CSMD1: variants seen among roughly 807,000 people sequenced by gnomAD.
CSMD1 encodes CUB and sushi domain-containing protein 1.
Under a neutral mutation model 417.5 loss-of-function variants are expected in CSMD1, and 213 were observed. The ratio of observed to expected loss-of-function variants is 0.51; its 90% CI spans 0.46 to 0.57. The LOEUF is 0.57. CSMD1 is among the 20% of genes least tolerant of loss of function. The pLI is 0.00. For synonymous variants in CSMD1, 2,862 were observed against 1,736.8 expected (o/e 1.65, Z -16.11); for missense variants, 6,923 against 4,529.7 (o/e 1.53, Z -15.17).
At chr8:4,123,069 T>C (rs1295716189) in intron 3 of CSMD1, among the ~76,000 whole-genome samples, 1 of 152,248 alleles carries the variant, frequency 6.6e-6, no homozygotes, top group Non-Finnish European at 1.5e-5. Flanking sequence ...AAAGCTTTGA[T>C]GCTTTCATAA....
intron 2 of CSMD1, among the ~76,000 whole-genome samples, chr8:4,564,738 C>A (rs573069849): frequency 1.4e-4 from 22 of 152,128 alleles, no homozygotes; most frequent in Non-Finnish European, 3.2e-4. Flanking sequence ...TTTGATGGAT[C>A]TGAACATGGA....
chr8:4,349,249 T>C (rs1276337935), intron 3 of CSMD1, among the ~76,000 whole-genome samples: 2 of 152,202 alleles, frequency 1.3e-5, no homozygotes, highest in African/African-American at 2.4e-5. Context: ...TTGTGGTATT[T>C]GGTACAGACC....
intron 5 of CSMD1, among the ~76,000 whole-genome samples, chr8:3,848,695 C>G (rs1273388456): frequency 6.6e-6 from 1 of 152,112 alleles, no homozygotes; most frequent in Non-Finnish European, 1.5e-5. Flanking sequence ...CTTGCACCAT[C>G]TGTGTGATCT....
intron 36 of CSMD1, among the ~76,000 whole-genome samples, chr8:3,182,611 TGTGTGTG>T: frequency 1.6e-5 from 1 of 63,890 alleles, no homozygotes; most frequent in Non-Finnish European, 5.1e-5. Context: ...TGTGTGTGTG[TGTGTGTG>T]TGTGTGTGTG....
intron 3 of CSMD1, among the ~76,000 whole-genome samples, chr8:4,144,500 C>T (rs1371614439): frequency 2.0e-5 from 3 of 151,046 alleles, no homozygotes; most frequent in African/African-American, 7.4e-5. Context: ...CTTGAGGGCT[C>T]CAGTCTAAAT....
intron 3 of CSMD1, among the ~76,000 whole-genome samples, chr8:4,268,834 A>C (rs1036901959): frequency 3.9e-5 from 6 of 152,202 alleles, no homozygotes; most frequent in Non-Finnish European, 1.5e-5. Flanking sequence ...AAGTAATCTT[A>C]ATATGGGAGA....
intron 7 of CSMD1, among the ~76,000 whole-genome samples, chr8:3,669,948 C>A (rs974114366): frequency 1.3e-5 from 2 of 152,166 alleles, no homozygotes. Context: ...ATAACACACC[C>A]AAGGATATAA....
chr8:3,732,168 G>A (rs550219043), intron 6 of CSMD1, among the ~76,000 whole-genome samples: 112 of 152,322 alleles, frequency 7.4e-4, no homozygotes, highest in Middle Eastern at 3.4e-3. Context: ...CAGGTCACTC[G>A]TGGTGGTTGC....
chr8:4,756,576 G>T (rs143623401), intron 1 of CSMD1, among the ~76,000 whole-genome samples: 35 of 152,140 alleles, frequency 2.3e-4, no homozygotes, highest in African/African-American at 8.4e-4. Context: ...TAGAGCATGC[G>T]TTCTAGACTT....
chr8:4,403,445 A>T (rs1298401822), intron 3 of CSMD1, among the ~76,000 whole-genome samples: 1 of 152,044 alleles, frequency 6.6e-6, no homozygotes, highest in African/African-American at 2.4e-5. Context: ...TTCGACTCAA[A>T]ATGTCCTTAT....
intron 5 of CSMD1, among the ~76,000 whole-genome samples, chr8:3,997,078 T>G (rs567344562): frequency 1.3e-4 from 20 of 152,342 alleles, no homozygotes; most frequent in African/African-American, 4.3e-4. Context: ...CATTCTTGTT[T>G]AGTCATATTT....
chr8:3,304,730 C>CT (rs10688027), intron 25 of CSMD1, among the ~76,000 whole-genome samples: 2 of 151,614 alleles, frequency 1.3e-5, no homozygotes, highest in South Asian at 2.1e-4. Context: ...TTATTTTTCT[C>CT]TTTTTAATTT....
Position 3,029,013 on chromosome 8 carries a change from C to T in CSMD1, c.7855+306G>A, listed in dbSNP as rs536217384. Among the ~76,000 whole-genome samples the T allele has an allele frequency of 1.2e-4, 19 of 152,144 alleles. No homozygotes were observed. The South Asian group carries it at 2.9e-3, about 23-fold the overall frequency. On this transcript the variant is annotated intron_variant, in intron 51 of 69. Transcript: ENST00000635120. ...GAACTCTTGAATAGTCTGTCTATGG[C>T]GTAAGAGTTATCTTTTTACACATAG...
Position 4,360,935 on chromosome 8 carries a change from T to C in CSMD1, c.415+59018A>G, listed in dbSNP as rs189825449. 3.3e-3 allele frequency among the ~76,000 whole-genome samples: 497 copies of C among 152,324 alleles called. 6 individuals carry two copies. The highest frequency in any genetic ancestry group is 0.011 in the African/African-American group (464 of 41,586). ...CTTCTGATAGCAGGTGAATTTCTTT[T>C]TAATCATTTCATGGGACTTGAGGAA... On this transcript the variant is annotated intron_variant, in intron 3 of 69. Transcript: ENST00000635120.
rs143989092 is a variant in CSMD1, at chr8:4,753,131, G to C, written c.86-115573C>G. On this transcript the variant is annotated intron_variant, in intron 1 of 69. Transcript: ENST00000635120. The stretch of plus-strand genomic sequence containing the variant: ...AACATTTTATGGATAAGAAAAGCGA[G>C]GCTTAGAAAGCTGAAGTCACTTGTC... 2.6e-5 allele frequency among the ~76,000 whole-genome samples: 4 copies of C among 152,234 alleles called. No homozygotes were observed. In the East Asian group the frequency reaches 7.7e-4, roughly 29 times the overall value.
chr8:4,141,514 C>T (rs555317865), intron 3 of CSMD1, among the ~76,000 whole-genome samples: 1 of 151,178 alleles, frequency 6.6e-6, no homozygotes, highest in South Asian at 2.1e-4. Context: ...GAGAGTTATT[C>T]GCTACATTTT....
chr8:4,359,313 T>C (rs1007594266), intron 3 of CSMD1, among the ~76,000 whole-genome samples: 1 of 152,244 alleles, frequency 6.6e-6, no homozygotes, highest in Non-Finnish European at 1.5e-5. Context: ...CAGTGCATTA[T>C]TGTGCAGGGG....
intron 3 of CSMD1, among the ~76,000 whole-genome samples, chr8:4,147,696 C>T (rs1012484852): frequency 1.3e-5 from 2 of 152,132 alleles, no homozygotes; most frequent in East Asian, 1.9e-4. Context: ...TCTGACATCA[C>T]CATGGTCAGG....
Position 2,937,460 on chromosome 8 carries a change from A to T in CSMD1, c.*1125T>A, listed in dbSNP as rs561421914. ...GACAAAAAAAAAAAAAAACAAAAAA[A>T]AAACACTGCAAAAGGGAAGGCTGCA... On this transcript the variant is annotated 3_prime_UTR_variant, in exon 70 of 70. Coordinates refer to ENST00000635120, the MANE Select transcript of CSMD1 (RefSeq NM_033225.6). 29 of 152,024 alleles carry T rather than the reference A, an allele frequency of 1.9e-4. No homozygotes were observed. The highest frequency in any genetic ancestry group is 2.6e-4 in the Admixed American group (4 of 15,268). 9.4% of individuals were successfully genotyped at this position (152,024 alleles called of 1,614,324 possible). A position where few individuals can be genotyped will look rare whatever the true frequency, so the allele number is the denominator to read the frequency against.
Sources: allele counts gnomAD v4.1 joint callset (sites outside exome capture counted in the v4.1 genomes callset), GRCh38; gene constraint gnomAD v4.1.1; transcripts MANE v1.5; gene names NCBI Gene and HGNC (gene_info 2026-07-23, HGNC 2026-07-21).